The following DLGAP2 variants were observed in gnomAD, a reference collection of about 807,000 sequenced individuals.
DLGAP2 encodes disks large-associated protein 2.
In DLGAP2, 26 loss-of-function variants were observed where a neutral mutation model predicts 100.3. The ratio of observed to expected loss-of-function variants is 0.26; its 90% CI spans 0.19 to 0.36. DLGAP2 has a LOEUF of 0.36. Ranked by LOEUF, DLGAP2 falls within the 10% of genes least tolerant of loss-of-function variation. The pLI is 1.00. For synonymous variants in DLGAP2, 886 were observed against 630.1 expected, an observed-to-expected ratio of 1.41 and a Z score of -6.08; for missense variants, 1,858 against 1,453.2, an observed-to-expected ratio of 1.28 and a Z score of -4.53.
intron 2 of DLGAP2, among the ~76,000 whole-genome samples, chr8:970,423 C>T (rs1799983791): frequency 6.6e-6 from 1 of 152,190 alleles, no homozygotes; most frequent in Non-Finnish European, 1.5e-5. Flanking sequence ...GGCTGATCAA[C>T]GTTTATCAGC....
chr8:1,339,927 GT>G (rs1445990245), intron 3 of DLGAP2, among the ~76,000 whole-genome samples: 2 of 152,238 alleles, frequency 1.3e-5, no homozygotes, highest in Non-Finnish European at 2.9e-5. Flanking sequence ...ACAGGAAGCT[GT>G]GCAAACAGCT....
chr8:1,123,413 C>T (rs1025893349), intron 2 of DLGAP2, among the ~76,000 whole-genome samples: 5 of 152,150 alleles, frequency 3.3e-5, no homozygotes, highest in African/African-American at 1.2e-4. Flanking sequence ...AATGAGACAC[C>T]AGGACCTAGT....
chr8:1,550,896 C>G (rs1801742718), intron 5 of DLGAP2, among the ~76,000 whole-genome samples: 1 of 152,222 alleles, frequency 6.6e-6, no homozygotes, highest in Non-Finnish European at 1.5e-5. Context: ...TCTTGCTTGC[C>G]TAGAGCAGCG....
At chr8:1,120,574 C>T (rs950888097) in intron 2 of DLGAP2, among the ~76,000 whole-genome samples, 3 of 152,010 alleles carry the variant, frequency 2.0e-5, no homozygotes, top group Non-Finnish European at 4.4e-5. Flanking sequence ...CCATCCTTGT[C>T]CATTAGGACC....
At chr8:1,321,542 C>T (rs1191185891) in intron 3 of DLGAP2, among the ~76,000 whole-genome samples, 1 of 152,240 alleles carries the variant, frequency 6.6e-6, no homozygotes, top group Non-Finnish European at 1.5e-5. Flanking sequence ...CTGCCTCTGC[C>T]TTCTAAGTCC....
intron 1 of DLGAP2, among the ~76,000 whole-genome samples, chr8:851,965 C>G (rs112176114): frequency 0.011 from 1,709 of 152,310 alleles, 18 homozygotes; most frequent in South Asian, 0.049. Context: ...GGTGCAGTGA[C>G]TTGGTCAGGG....
chr8:1,491,325 C>T (rs1464645057), intron 3 of DLGAP2, among the ~76,000 whole-genome samples: 1 of 152,144 alleles, frequency 6.6e-6, no homozygotes, highest in African/African-American at 2.4e-5. Flanking sequence ...GCTTTCAGGC[C>T]GCTGCTCCTG....
Position 1,324,914 on chromosome 8 carries a change from G to T in DLGAP2, c.106+66031G>T, listed in dbSNP as rs532961326. ...AAGACTCCACAAGCCTCGTCTTCCA[G>T]ATCGTGCTGACCTGCTTGGCTCAGC... On this transcript the variant is annotated intron_variant, in intron 3 of 14. Coordinates refer to ENST00000637795, the MANE Select transcript of DLGAP2 (RefSeq NM_001346810.2). Among the ~76,000 whole-genome samples, 7 of 152,308 alleles carry T rather than the reference G, an allele frequency of 4.6e-5. No individual in the cohort carries two copies. The East Asian group carries it at 1.4e-3, about 29-fold the overall frequency.
intron 4 of DLGAP2, among the ~76,000 whole-genome samples, chr8:1,517,086 G>T (rs1031329389): frequency 1.3e-5 from 2 of 152,094 alleles, no homozygotes; most frequent in African/African-American, 4.8e-5. Flanking sequence ...CTTGAAGGCC[G>T]CAGCCTCAAG....
At chr8:1,538,015 G>A (rs1011513913) in intron 4 of DLGAP2, among the ~76,000 whole-genome samples, 1 of 152,152 alleles carries the variant, frequency 6.6e-6, no homozygotes, top group Non-Finnish European at 1.5e-5. Context: ...TCCATGGTAA[G>A]GGCAGCTGTA....
At chr8:1,335,614 G>C (rs1049306745) in intron 3 of DLGAP2, among the ~76,000 whole-genome samples, 1 of 152,098 alleles carries the variant, frequency 6.6e-6, no homozygotes, top group Non-Finnish European at 1.5e-5. Context: ...TGGAAGCAGG[G>C]AAGCTTTGGA....
intron 2 of DLGAP2, among the ~76,000 whole-genome samples, chr8:1,088,553 C>T (rs1804053907): frequency 6.6e-6 from 1 of 152,162 alleles, no homozygotes; most frequent in African/African-American, 2.4e-5. Flanking sequence ...TGTGGTGCAT[C>T]ATCAGAGATT....
intron 2 of DLGAP2, among the ~76,000 whole-genome samples, chr8:1,026,758 TTGAG>T (rs1801811915): frequency 6.6e-6 from 1 of 152,238 alleles, no homozygotes; most frequent in African/African-American, 2.4e-5. Flanking sequence ...CAAAACAGCA[TTGAG>T]TGTTATCAGT....
At chr8:1,141,004 G>A (rs996147270) in intron 2 of DLGAP2, among the ~76,000 whole-genome samples, 2 of 152,146 alleles carry the variant, frequency 1.3e-5, no homozygotes, top group Non-Finnish European at 2.9e-5. Context: ...AAAATGATAA[G>A]TTCTCTGTCT....
At position 1,316,494 on chromosome 8, in the gene DLGAP2, G is replaced by A. The variant is rs578137226; in HGVS notation, c.106+57611G>A. ...AAAATAGAGCGTGTGCGAGTGCAGC[G>A]TCTCTCCAACAGTGGTCTACACTCG... On this transcript the variant is annotated intron_variant, in intron 3 of 14. Coordinates refer to ENST00000637795, the MANE Select transcript of DLGAP2 (RefSeq NM_001346810.2). Among the ~76,000 whole-genome samples, 6 of 120,940 alleles carry A rather than the reference G, an allele frequency of 5.0e-5. 1 individual carries two copies. The South Asian group carries it at 1.4e-3, about 29-fold the overall frequency. The allele number at this position is 120,940 out of a possible 152,430, so 79.3% of individuals were successfully genotyped here. A position where few individuals can be genotyped will look rare whatever the true frequency, so the allele number is the denominator to read the frequency against.
chr8:1,628,372 A>G (rs1331045633), intron 7 of DLGAP2, among the ~76,000 whole-genome samples: 1 of 140,786 alleles, frequency 7.1e-6, no homozygotes, highest in East Asian at 2.1e-4. Flanking sequence ...GCTTGAGCCA[A>G]CCTCACATTC....
At chr8:1,446,298 C>T (rs1321118111) in intron 3 of DLGAP2, among the ~76,000 whole-genome samples, 10 of 152,054 alleles carry the variant, frequency 6.6e-5, no homozygotes, top group Admixed American at 6.5e-4. Context: ...CCAGTTTCAG[C>T]TTTCTACATA....
At chr8:1,493,238 G>A (rs1015830174) in intron 3 of DLGAP2, among the ~76,000 whole-genome samples, 1 of 152,112 alleles carries the variant, frequency 6.6e-6, no homozygotes, top group African/African-American at 2.4e-5. Context: ...TGGATGGAGC[G>A]CATAGAGGGC....
intron 3 of DLGAP2, among the ~76,000 whole-genome samples, chr8:1,496,390 G>C (rs1563183126): frequency 2.0e-5 from 3 of 152,208 alleles, no homozygotes; most frequent in South Asian, 4.2e-4. Context: ...CTGCCTCTCT[G>C]GTGCTGATTT....
Sources: allele counts gnomAD v4.1 joint callset (sites outside exome capture counted in the v4.1 genomes callset), GRCh38; gene constraint gnomAD v4.1.1; transcripts MANE v1.5; gene names NCBI Gene and HGNC (gene_info 2026-07-23, HGNC 2026-07-21).